STRN3: variants seen among roughly 807,000 people sequenced by gnomAD.
STRN3 encodes striatin 3, also known as striatin-3.
Under a neutral mutation model 95.6 loss-of-function variants are expected in STRN3, and 29 were observed. The observed-to-expected ratio is 0.30, with a 90% CI of 0.23 to 0.41. The LOEUF is 0.41. STRN3 is among the 10% of genes least tolerant of loss of function. STRN3 has a pLI of 1.00. For synonymous variants in STRN3, 331 were observed against 357.6 expected (o/e 0.93, Z 0.84); for missense variants, 890 against 972.1 (o/e 0.92, Z 1.12).
At chr14:30,924,147 T>G (rs112186038) in intron 8 of STRN3, among the ~76,000 whole-genome samples, 182 of 150,812 alleles carry the variant, frequency 1.2e-3, no homozygotes, top group African/African-American at 4.2e-3. Flanking sequence ...GAGAGTATCT[T>G]TGTTTAAATA....
intron 6 of STRN3, 26 bp from the exon 7 acceptor site, chr14:30,935,330 T>C (rs1192622487): frequency 6.2e-7 from 1 of 1,605,524 alleles, no homozygotes; most frequent in East Asian, 2.2e-5. Flanking sequence ...AAACCAAGAA[T>C]TACTTTTATC....
chr14:30,999,164 C>G (rs1882331415), intron 1 of STRN3, among the ~76,000 whole-genome samples: 1 of 152,142 alleles, frequency 6.6e-6, no homozygotes, highest in Non-Finnish European at 1.5e-5. Context: ...CCACATCAGC[C>G]TCCTGAGGTG....
intron 1 of STRN3, among the ~76,000 whole-genome samples, chr14:31,000,292 C>G (rs1267339297): frequency 6.6e-6 from 1 of 151,642 alleles, no homozygotes; most frequent in Non-Finnish European, 1.5e-5. Flanking sequence ...ATTTAAAAGG[C>G]AATCACATTA....
At chr14:30,962,115 C>T (rs1880236976) in intron 1 of STRN3, among the ~76,000 whole-genome samples, 1 of 152,052 alleles carries the variant, frequency 6.6e-6, no homozygotes, top group African/African-American at 2.4e-5. Flanking sequence ...CCTTCCTAGG[C>T]CTTACGTAGG....
intron 13 of STRN3, among the ~76,000 whole-genome samples, chr14:30,909,030 C>T (rs1305528346): frequency 6.6e-6 from 1 of 152,184 alleles, no homozygotes; most frequent in Non-Finnish European, 1.5e-5. Flanking sequence ...TAAATGCTCC[C>T]ATCACATGCT....
Position 30,905,513 on chromosome 14 carries a change from G to A in STRN3, c.1934C>T (p.Ala645Val). 1.2e-6 allele frequency: 2 copies of A among 1,608,144 alleles called. No homozygotes were observed. Among genetic ancestry groups the A allele is most frequent in the Non-Finnish European group, 1.7e-6 (2 of 1,177,714 alleles). ...TSVDFIGCDP[A>V]HMVTSFNTGS... is the part of the protein sequence containing the mutation. ...AGTGTTGAAAGAGGTTACCATATGA[G>A]CTGGATCACAGCCTATAAAGTCAAC... Residue 645 changes from alanine to valine, a missense_variant, in exon 15 of 18, where the codon GCT becomes GTT. By Grantham distance (64) the Ala-to-Val change is moderately conservative. Transcript: ENST00000357479.
intron 1 of STRN3, among the ~76,000 whole-genome samples, chr14:30,960,666 G>A (rs75970286): frequency 0.09 from 13,676 of 151,774 alleles, 898 homozygotes; most frequent in South Asian, 0.29. Context: ...TCAGGAGATC[G>A]AGACCATCCT....
chr14:30,897,247 A>G (rs1232772513), intron 16 of STRN3, among the ~76,000 whole-genome samples: 3 of 152,200 alleles, frequency 2.0e-5, no homozygotes, highest in African/African-American at 7.2e-5. Context: ...CAAAACCACA[A>G]CATAATAAAA....
chr14:31,003,356 A>G (rs1468600237), intron 1 of STRN3, among the ~76,000 whole-genome samples: 1 of 151,524 alleles, frequency 6.6e-6, no homozygotes, highest in African/African-American at 2.4e-5. Context: ...TTGGAAAAAA[A>G]AAAAACAAAC....
intron 1 of STRN3, among the ~76,000 whole-genome samples, chr14:30,980,249 CG>C (rs1397836615): frequency 6.6e-6 from 1 of 151,298 alleles, no homozygotes; most frequent in African/African-American, 2.4e-5. Context: ...TGTATGGGGG[CG>C]GGGAGAATTA....
chr14:30,985,174 G>A (rs1881619749), intron 1 of STRN3, among the ~76,000 whole-genome samples: 1 of 149,428 alleles, frequency 6.7e-6, no homozygotes, highest in Admixed American at 6.8e-5. Flanking sequence ...AAAAATTACA[G>A]CCGGGTGCCT....
chr14:31,021,028 T>C (rs28578405), intron 1 of STRN3, among the ~76,000 whole-genome samples: 1 of 152,268 alleles, frequency 6.6e-6, no homozygotes, highest in African/African-American at 2.4e-5. Context: ...ATAATCATGC[T>C]GGAATCAATA....
chr14:31,016,637 G>T (rs1566495223), intron 1 of STRN3, among the ~76,000 whole-genome samples: 1 of 152,018 alleles, frequency 6.6e-6, no homozygotes, highest in South Asian at 2.1e-4. Flanking sequence ...TCCGCCTCCC[G>T]GGTTAAAGCG....
At position 30,911,047 on chromosome 14, in the gene STRN3, TATCATATGG is replaced by T; in HGVS notation, c.1705_1713del (p.Pro569_Asp571del). The stretch of plus-strand genomic sequence containing the variant: ...TTTTGATCATTTTACTTACCATATG[TATCATATGG>T]ATCTACACTGGGACTCGGCATATTC... On this transcript the variant is annotated inframe_deletion, in exon 13 of 18. Coordinates refer to ENST00000357479, the MANE Select transcript of STRN3 (RefSeq NM_001083893.2). 1 of 1,597,766 alleles carries T rather than the reference TATCATATGG, an allele frequency of 6.3e-7. No individual in the cohort carries two copies. Among genetic ancestry groups the T allele is most frequent in the Non-Finnish European group, 8.5e-7 (1 of 1,173,432 alleles).
chr14:30,941,563 G>A (rs1879094138), intron 5 of STRN3, among the ~76,000 whole-genome samples: 1 of 152,144 alleles, frequency 6.6e-6, no homozygotes, highest in African/African-American at 2.4e-5. Context: ...TTTGGAGTAG[G>A]GGAGGGGTGG....
In STRN3 at chr14:30,895,337, A is replaced by ATG; in HGVS notation, c.*73_*74insCA. 6.9e-7 allele frequency: 1 copy of ATG among 1,454,970 alleles called. No individual in the cohort carries two copies. Among genetic ancestry groups the ATG allele is most frequent in the Non-Finnish European group, 9.2e-7 (1 of 1,091,912 alleles). The allele number at this position is 1,454,970 out of a possible 1,614,324, so 90.1% of individuals were successfully genotyped here. Reference sequence around the variant, plus strand: ...GATCACATGTAGTGTCATATCAGTAACCTTTCTGATGGCAGTGATGCAGAC... The same window carrying ATG: ...GATCACATGTAGTGTCATATCAGTAATGCCTTTCTGATGGCAGTGATGCAGAC... On this transcript the variant is annotated 3_prime_UTR_variant, in exon 18 of 18. Transcript: ENST00000357479.
At chr14:31,001,061 C>CA (rs1882427389) in intron 1 of STRN3, among the ~76,000 whole-genome samples, 1 of 152,118 alleles carries the variant, frequency 6.6e-6, no homozygotes, top group South Asian at 2.1e-4. Context: ...TGAAGGTTTA[C>CA]AGAGAGTACC....
At chr14:30,981,076 G>A (rs905633446) in intron 1 of STRN3, among the ~76,000 whole-genome samples, 2 of 152,134 alleles carry the variant, frequency 1.3e-5, no homozygotes, top group Non-Finnish European at 2.9e-5. Context: ...GAGAGGCCCA[G>A]GCAGGAGGAT....
chr14:30,926,584 TATA>T (rs138715954), intron 8 of STRN3, among the ~76,000 whole-genome samples: 1,637 of 151,918 alleles, frequency 0.011, 34 homozygotes, highest in African/African-American at 0.037. Flanking sequence ...AAGTACTTCT[TATA>T]ATACTTCTTA....
Sources: allele counts gnomAD v4.1 joint callset (sites outside exome capture counted in the v4.1 genomes callset), GRCh38; gene constraint gnomAD v4.1.1; transcripts MANE v1.5; gene names NCBI Gene and HGNC (gene_info 2026-07-23, HGNC 2026-07-21).